CSN3: variants seen among roughly 807,000 people sequenced by gnomAD.
The protein encoded by CSN3 is kappa-casein.
Under a neutral mutation model 9.9 loss-of-function variants are expected in CSN3, and 7 were observed. That is an observed-to-expected ratio of 0.71 (90% confidence interval 0.40 to 1.33). The LOEUF is 1.33. CSN3 is among the 40% of genes most tolerant of loss of function. The probability of loss-of-function intolerance (pLI) is 0.01; values close to 1 mark genes in which losing one functional copy is unlikely to be tolerated. For synonymous variants in CSN3, 88 were observed against 82.3 expected, an observed-to-expected ratio of 1.07 and a Z score of -0.37; for missense variants, 253 against 227.9, an observed-to-expected ratio of 1.11 and a Z score of -0.71.
At chr4:70,245,967 G>A (rs1730368280) in intron 2 of CSN3, among the ~76,000 whole-genome samples, 1 of 152,026 alleles carries the variant, frequency 6.6e-6, no homozygotes, top group African/African-American at 2.4e-5. Context: ...AATCCCTGCT[G>A]CATAGCAACC....
intron 4 of CSN3, among the ~76,000 whole-genome samples, chr4:70,251,060 G>T (rs1212630402): frequency 1.3e-5 from 2 of 151,936 alleles, no homozygotes; most frequent in Admixed American, 6.6e-5. Context: ...ATGTAAAAGA[G>T]TTTTTTCTGT....
chr4:70,250,340 A>G (rs564120919), intron 4 of CSN3, among the ~76,000 whole-genome samples: 40 of 152,288 alleles, frequency 2.6e-4, no homozygotes, highest in Non-Finnish European at 4.6e-4. Context: ...ATGATCTAAA[A>G]TACCAGACAA....
chr4:70,247,736 A>C, intron 2 of CSN3, 82 bp from the exon 3 acceptor site: 2 of 1,196,384 alleles, frequency 1.7e-6, no homozygotes, highest in Non-Finnish European at 2.4e-6. Flanking sequence ...CTTTAACACA[A>C]AAGATTTTTT....
intron 4 of CSN3, 58 bp downstream of exon 4, chr4:70,249,551 C>A: frequency 1.0e-6 from 1 of 999,518 alleles, no homozygotes. Flanking sequence ...TTTATGAATA[C>A]AACCATAAAT....
rs569561612 is a variant in CSN3, at chr4:70,246,834, G to A, written c.55-984G>A. On this transcript the variant is annotated intron_variant, in intron 2 of 4. Coordinates refer to ENST00000304954, the Ensembl canonical transcript of CSN3. ...CTACAAGTGCCCGCCACCATGCCCA[G>A]CTAATTTTTGTATTTTTAGTAGAGG... Among the ~76,000 whole-genome samples, 221 of 151,888 alleles carry A rather than the reference G, an allele frequency of 1.5e-3. 2 individuals carry two copies. The highest frequency in any genetic ancestry group is 5.1e-3 in the African/African-American group (211 of 41,454).
At position 70,249,012 on chromosome 4, in the gene CSN3, T is replaced by C. The variant is rs779787162; in HGVS notation, c.102T>C (p.Asp34=). 11 of 1,592,564 alleles carry C rather than the reference T, an allele frequency of 6.9e-6. 1 individual carries two copies. The South Asian group carries it at 1.2e-4, about 18-fold the overall frequency. ...TTTTTTTGCAGTGCCATGAGAATGA[T>C]GAAAGACCATTCTATCAGAAAACAG... is the stretch of plus-strand genomic sequence containing the variant. The change falls in exon 4 of 5, where the codon GAT becomes GAC. Residue 34 remains aspartate (D), a synonymous_variant. Transcript: ENST00000304954.
intron 1 of CSN3, among the ~76,000 whole-genome samples, chr4:70,244,406 G>T (rs1252689929): frequency 6.6e-6 from 1 of 152,004 alleles, no homozygotes; most frequent in Admixed American, 6.6e-5. Flanking sequence ...CACAAAGACT[G>T]CTGCTTCTCT....
intron 2 of CSN3, among the ~76,000 whole-genome samples, chr4:70,247,564 A>T (rs2109697655): frequency 6.6e-6 from 1 of 152,224 alleles, no homozygotes. Context: ...GATTTTTCCC[A>T]CAGTGACTTT....
exon 5 of CSN3, chr4:70,251,374 A>G (rs999869591): frequency 1.3e-5 from 2 of 152,200 alleles, no homozygotes; most frequent in African/African-American, 4.8e-5. Flanking sequence ...TACATTTTAC[A>G]TTCATGCCAC....
chr4:70,245,538 T>C (rs1828828), intron 2 of CSN3, among the ~76,000 whole-genome samples: 34,278 of 152,060 alleles, frequency 0.23, 4,115 homozygotes, highest in Non-Finnish European at 0.26. Context: ...TTTTTTCTTT[T>C]AATTTTTTGA....
chr4:70,249,497 A>G lies in CSN3; in HGVS notation c.*34+4A>G. 2 of 1,481,490 alleles carry G rather than the reference A, an allele frequency of 1.3e-6. No homozygotes were observed. The highest frequency in any genetic ancestry group is 9.4e-7 in the Non-Finnish European group (1 of 1,069,100). The allele number at this position is 1,481,490 out of a possible 1,614,324, so 91.8% of individuals were successfully genotyped here. On this transcript the variant is annotated splice_donor_region_variant and intron_variant, in intron 4 of 4. Transcript: ENST00000304954. ...AATATCAAAGAACACAACGCAGGTA[A>G]ATTAACAGTATATAAAATGAGTAAT...
upstream of CSN3, among the ~76,000 whole-genome samples, chr4:70,241,597 C>G (rs573478759): frequency 6.6e-6 from 1 of 151,954 alleles, no homozygotes; most frequent in African/African-American, 2.4e-5. Flanking sequence ...ATATGCTTTC[C>G]TGAATTATCT....
chr4:70,249,266 C>A (rs759340303), exon 4 of CSN3: 2 of 1,613,960 alleles, frequency 1.2e-6, no homozygotes, highest in African/African-American at 2.7e-5. Flanking sequence ...TCATTTATTG[C>A]CATCCCCCCA....
chr4:70,248,967 T>G, intron 3 of CSN3, 31 bp from the exon 4 acceptor site: 2 of 1,464,316 alleles, frequency 1.4e-6, no homozygotes, highest in South Asian at 2.7e-5. Context: ...TCTATAATAA[T>G]AATATTCTGT....
At chr4:70,249,159 C>G (rs890911996) in exon 4 of CSN3, 15 of 1,613,890 alleles carry the variant, frequency 9.3e-6, no homozygotes, top group Non-Finnish European at 1.2e-5. Context: ...ATTATGCAAA[C>G]CCAGCTGTAG....
chr4:70,245,949 G>T (rs980746748), intron 2 of CSN3, among the ~76,000 whole-genome samples: 2 of 152,048 alleles, frequency 1.3e-5, no homozygotes, highest in South Asian at 4.1e-4. Flanking sequence ...ATCATGAAAT[G>T]ATCTACAAAT....
chr4:70,242,277 T>C (rs555110002), upstream of CSN3, among the ~76,000 whole-genome samples: 1 of 98,250 alleles, frequency 1.0e-5, no homozygotes, highest in Admixed American at 1.1e-4. Context: ...TCTGCATTTC[T>C]TTTTTATTTT....
chr4:70,244,941 G>T, intron 2 of CSN3, 68 bp downstream of exon 2: 7 of 837,572 alleles, frequency 8.4e-6, no homozygotes, highest in Non-Finnish European at 1.1e-5. Flanking sequence ...CTTTAACTAT[G>T]CAAACTTCTA....
Position 70,249,406 on chromosome 4 carries a change from A to G in CSN3, c.496A>G (p.Ile166Val). 1.9e-6 allele frequency: 3 copies of G among 1,614,106 alleles called. No homozygotes were observed. Among genetic ancestry groups the G allele is most frequent in the Non-Finnish European group, 2.5e-6 (3 of 1,179,982 alleles). ...TCCAGAAGCTTTTTCAGAGTCCATC[A>G]TCACGAGCACCCCTGAGACAACCAC... Residue 166 changes from isoleucine to valine, a missense_variant, in exon 4 of 5, where the codon ATC becomes GTC. Coordinates refer to ENST00000304954, the Ensembl canonical transcript of CSN3.
Sources: allele counts gnomAD v4.1 joint callset (sites outside exome capture counted in the v4.1 genomes callset), GRCh38; gene constraint gnomAD v4.1.1; transcripts MANE v1.5; gene names NCBI Gene and HGNC (gene_info 2026-07-23, HGNC 2026-07-21).